The following FMR1NB variants were observed in gnomAD, a reference collection of about 807,000 sequenced individuals.
The protein encoded by FMR1NB is FMR1 neighbor, also known as FMR1 neighbor protein.
FMR1NB carries 10 observed loss-of-function variants against 16.8 expected under a neutral mutation model. The ratio of observed to expected loss-of-function variants is 0.60; its 90% confidence interval spans 0.37 to 1.01. The LOEUF (loss-of-function observed/expected upper bound fraction) is 1.01, where lower values mean the gene tolerates loss of function less well. FMR1NB is among the 50% of genes least tolerant of loss of function. The pLI is 0.01. For missense variants in FMR1NB, 205 were observed against 204.8 expected, an observed-to-expected ratio of 1.00 and a Z score of 0.00; for synonymous variants, 83 against 79.1, an observed-to-expected ratio of 1.05 and a Z score of -0.26.
intron 1 of FMR1NB, among the ~76,000 whole-genome samples, chrX:147,984,183 T>C (rs927819961): frequency 8.9e-6 from 1 of 111,892 alleles, no homozygotes; most frequent in Non-Finnish European, 1.9e-5. Flanking sequence ...TTATCCATAC[T>C]GTTTTGCGTA....
chrX:147,989,281 T>C (rs1157220812), intron 1 of FMR1NB, among the ~76,000 whole-genome samples: 1 of 112,050 alleles, frequency 8.9e-6, no homozygotes, highest in Non-Finnish European at 1.9e-5. Flanking sequence ...CTGCTCTAGT[T>C]TGCTGGAGGT....
chrX:148,006,312 G>T (rs1240030116), intron 2 of FMR1NB, among the ~76,000 whole-genome samples: 4 of 111,947 alleles, frequency 3.6e-5, no homozygotes, highest in Non-Finnish European at 7.5e-5. Flanking sequence ...TAGTTCTGTG[G>T]CTTAGTAACG....
At chrX:148,013,559 C>T (rs1033899497) in intron 4 of FMR1NB, among the ~76,000 whole-genome samples, 2 of 112,199 alleles carry the variant, frequency 1.8e-5, no homozygotes, top group Non-Finnish European at 3.8e-5. Context: ...GCTTTCACCA[C>T]GTTTCATGGA....
intron 4 of FMR1NB, among the ~76,000 whole-genome samples, chrX:148,012,431 G>T (rs1557189712): frequency 8.9e-6 from 1 of 111,873 alleles, no homozygotes; most frequent in African/African-American, 3.2e-5. Flanking sequence ...CAGATGAAGT[G>T]CATTTTCATG....
chrX:148,003,153 T>C (rs782108656), intron 1 of FMR1NB, 48 bp from the exon 2 acceptor site: 2 of 1,163,900 alleles, frequency 1.7e-6, no homozygotes. Context: ...TCATTGAAAG[T>C]GATAAATGCT....
intron 4 of FMR1NB, among the ~76,000 whole-genome samples, chrX:148,009,378 T>C (rs186494871): frequency 9.0e-6 from 1 of 111,048 alleles, no homozygotes; most frequent in Admixed American, 9.6e-5. Flanking sequence ...CATTGAGTCA[T>C]CTGCCATTGG....
intron 4 of FMR1NB, among the ~76,000 whole-genome samples, chrX:148,010,140 C>T (rs2044616566): frequency 8.9e-6 from 1 of 112,330 alleles, no homozygotes; most frequent in African/African-American, 3.2e-5. Flanking sequence ...GGATTGTTCT[C>T]TGATCCTAAT....
intron 4 of FMR1NB, 37 bp downstream of exon 4, chrX:148,008,748 G>A (rs1557189378): frequency 9.3e-7 from 1 of 1,075,384 alleles, no homozygotes; most frequent in Non-Finnish European, 1.3e-6. Flanking sequence ...TCGTTGCTAA[G>A]TATACATGAG....
At chrX:148,006,552 C>CT in intron 2 of FMR1NB, 150 bp from the exon 3 acceptor site, 1 of 528,327 alleles carries the variant, frequency 1.9e-6, no homozygotes, top group South Asian at 5.0e-5. Flanking sequence ...TAACTTTTAG[C>CT]TTAAGTCTTA....
rs1478747592 is a variant in FMR1NB at position 148,024,887 on chromosome X, A to G, written c.655A>G (p.Arg219Gly). The G allele has an allele frequency of 2.5e-6, 3 of 1,208,988 alleles. No homozygotes were observed. In the African/African-American group the frequency reaches 5.2e-5, roughly 21 times the overall value. Residue 219 changes from arginine to glycine, a missense_variant, in exon 5 of 6, where the codon AGG (arginine) becomes GGG (glycine). Coordinates refer to ENST00000370467, the MANE Select transcript of FMR1NB (RefSeq NM_152578.3). ...CAGCGAACCGGCCGATGATTTACAA[A>G]GGCAGGACAACAGAGTTGTAACGGG... ...WRSEPADDLQ[R>G]QDNRVVTGLK...
chrX:148,025,142 GC>G, intron 5 of FMR1NB, 129 bp downstream of exon 5: 1 of 684,465 alleles, frequency 1.5e-6, no homozygotes, highest in Non-Finnish European at 2.1e-6. Context: ...TCACAGGAGG[GC>G]CAGCTTCTGA....
chrX:147,994,683 T>C (rs1468786662), intron 1 of FMR1NB, among the ~76,000 whole-genome samples: 2 of 112,351 alleles, frequency 1.8e-5, no homozygotes, highest in Admixed American at 1.9e-4. Context: ...AAGAATACTG[T>C]CTAATTCAGT....
intron 4 of FMR1NB, among the ~76,000 whole-genome samples, chrX:148,019,907 G>A (rs2044670333): frequency 9.0e-6 from 1 of 111,614 alleles, no homozygotes; most frequent in South Asian, 3.8e-4. Flanking sequence ...ATCACTACCT[G>A]GCCACTGCTT....
chrX:148,008,762 T>TCA, intron 4 of FMR1NB, 51 bp downstream of exon 4: 2 of 1,033,972 alleles, frequency 1.9e-6, no homozygotes, highest in African/African-American at 1.8e-5. Flanking sequence ...ACATGAGTAT[T>TCA]TGTGTATAGA....
intron 1 of FMR1NB, among the ~76,000 whole-genome samples, chrX:147,990,695 G>A (rs782287625): frequency 3.9e-4 from 43 of 111,514 alleles, no homozygotes; most frequent in African/African-American, 1.3e-3. Context: ...TTTGTTTAGT[G>A]TTTCAATCTC....
chrX:147,998,640 G>A (rs2044555287), intron 1 of FMR1NB, among the ~76,000 whole-genome samples: 2 of 112,749 alleles, frequency 1.8e-5, no homozygotes, highest in Admixed American at 9.3e-5. Context: ...CCTATGGCAA[G>A]TGATGTCAGC....
chrX:148,015,939 T>G (rs781880835), intron 4 of FMR1NB, among the ~76,000 whole-genome samples: 194 of 112,394 alleles, frequency 1.7e-3, no homozygotes, highest in African/African-American at 6.2e-3. Context: ...CAGGGGTCTA[T>G]CTCTATCTTT....
intron 3 of FMR1NB, 134 bp from the exon 4 acceptor site, chrX:148,008,484 T>C: frequency 2.0e-6 from 1 of 507,590 alleles, no homozygotes; most frequent in Non-Finnish European, 3.2e-6. Context: ...CAAGGATATT[T>C]ACCTGTCACA....
At chrX:147,994,457 CATA>C (rs1209541225) in intron 1 of FMR1NB, among the ~76,000 whole-genome samples, 2 of 112,342 alleles carry the variant, frequency 1.8e-5, no homozygotes, top group Non-Finnish European at 3.8e-5. Flanking sequence ...ATTTACAAAT[CATA>C]ATATTACTAC....
Sources: gnomAD v4.1 joint callset for allele counts (sites outside exome capture counted in the v4.1 genomes callset) on GRCh38, gnomAD v4.1.1 for gene constraint, MANE v1.5 for transcripts, NCBI Gene and HGNC (gene_info 2026-07-23, HGNC 2026-07-21) for gene names.